The following CUL2 variants were observed in gnomAD, a reference collection of about 807,000 sequenced individuals.
The protein encoded by CUL2 is cullin-2.
CUL2 carries 22 observed loss-of-function variants against 110.2 expected under a neutral mutation model. That is an observed-to-expected ratio of 0.20 (90% CI 0.14 to 0.28). CUL2 has a LOEUF of 0.28. Ranked by LOEUF, CUL2 falls within the 10% of genes least tolerant of loss-of-function variation. CUL2 has a pLI of 1.00. For missense variants in CUL2, 631 were observed against 905.5 expected (o/e 0.70, Z 3.89); for synonymous variants, 279 against 293.2 (o/e 0.95, Z 0.49).
chr10:35,050,213 CG>C (rs993143707), intron 5 of CUL2, among the ~76,000 whole-genome samples: 20 of 151,232 alleles, frequency 1.3e-4, no homozygotes, highest in African/African-American at 4.9e-4. Context: ...CCCAGCTACT[CG>C]GGAGGCTGAG....
chr10:35,106,303 TGTTTTTTTTTTTGTGG>T (rs1438814701), intron 1 of CUL2, among the ~76,000 whole-genome samples: 2 of 147,646 alleles, frequency 1.4e-5, no homozygotes, highest in African/African-American at 5.3e-5. Context: ...ATGTGTTTTT[TGTTTTTTTTTTTGTGG>T]GTTTTTTTTT....
rs772365415 is a variant in CUL2, at chr10:35,044,803, A to C, written c.572T>G (p.Val191Gly). ...IHGVINSFVH[V>G]EQYKKKFPLK... ...GGGGAATTTTTTCTTATACTGTTCA[A>C]CATGAACAAAGGAGTTAATAACCCC... The change falls in exon 7 of 21, where the codon GTT becomes GGT. Residue 191 changes from valine (V) to glycine (G), a missense_variant. Physicochemically the swap from Val to Gly is moderately radical, Grantham distance 109. Transcript: ENST00000374749. The C allele has an allele frequency of 6.2e-7, 1 of 1,613,220 alleles. No individual in the cohort carries two copies. The highest frequency in any genetic ancestry group is 8.5e-7 in the Non-Finnish European group (1 of 1,179,516).
intron 1 of CUL2, among the ~76,000 whole-genome samples, chr10:35,107,119 C>G (rs537123655): frequency 6.6e-6 from 1 of 152,042 alleles, no homozygotes; most frequent in Non-Finnish European, 1.5e-5. Context: ...GGACTACATG[C>G]GCCCACCACC....
intron 1 of CUL2, among the ~76,000 whole-genome samples, chr10:35,105,930 T>G (rs1174891827): frequency 6.6e-6 from 1 of 151,704 alleles, no homozygotes; most frequent in Non-Finnish European, 1.5e-5. Flanking sequence ...CATAGATAGC[T>G]AGGAAGGATG....
At chr10:35,076,905 A>G (rs1427607026) in intron 1 of CUL2, among the ~76,000 whole-genome samples, 2 of 152,098 alleles carry the variant, frequency 1.3e-5, no homozygotes, top group African/African-American at 4.8e-5. Flanking sequence ...AAAAAAAATT[A>G]GCCAGGTGTG....
At chr10:35,033,571 C>T (rs899143009) in intron 10 of CUL2, among the ~76,000 whole-genome samples, 2 of 151,822 alleles carry the variant, frequency 1.3e-5, no homozygotes, top group African/African-American at 4.8e-5. Context: ...CCCGTCTCTA[C>T]TAAAAATACA....
intron 6 of CUL2, among the ~76,000 whole-genome samples, chr10:35,047,445 C>T (rs922061195): frequency 1.4e-5 from 2 of 145,856 alleles, no homozygotes; most frequent in African/African-American, 5.2e-5. Flanking sequence ...CCCGTCTCCA[C>T]TAAAAAAAAA....
At position 35,051,280 on chromosome 10, in the gene CUL2, A is replaced by T. The variant is rs548010900; in HGVS notation, c.424-1515T>A. 7.5e-5 allele frequency among the ~76,000 whole-genome samples: 11 copies of T among 146,196 alleles called. No homozygotes were observed. In the South Asian group the frequency reaches 2.4e-3, roughly 31 times the overall value. ...CAGTGAGCCGAGATCGCGCCACTGC[A>T]CTCCCGCCCAGGTGACAGAGCGAGA... On this transcript the variant is annotated intron_variant, in intron 5 of 20. Coordinates refer to ENST00000374749, the MANE Select transcript of CUL2 (RefSeq NM_003591.4).
At position 35,017,857 on chromosome 10, in the gene CUL2, T is replaced by A. The variant is rs147622212; in HGVS notation, c.1685-1463A>T. On this transcript the variant is annotated intron_variant, in intron 17 of 20. Transcript: ENST00000374749. Reference sequence around the variant, plus strand: ...ATATGGCAAACATGTCTACACTCTGTAATGTTCCATACGTGTTTAAAAAAA... The same window carrying A: ...ATATGGCAAACATGTCTACACTCTGAAATGTTCCATACGTGTTTAAAAAAA... Among the ~76,000 whole-genome samples, 405 of 147,188 alleles carry A rather than the reference T, an allele frequency of 2.8e-3. 1 individual carries two copies. The highest frequency in any genetic ancestry group is 9.8e-3 in the African/African-American group (394 of 40,148).
chr10:35,047,270 C>T (rs558770089), intron 6 of CUL2, among the ~76,000 whole-genome samples: 62 of 152,244 alleles, frequency 4.1e-4, no homozygotes, highest in African/African-American at 1.4e-3. Flanking sequence ...GATAGTTCCT[C>T]AATTCTGTGA....
intron 2 of CUL2, among the ~76,000 whole-genome samples, chr10:35,098,801 G>T (rs1436605941): frequency 6.6e-6 from 1 of 151,956 alleles, no homozygotes; most frequent in Non-Finnish European, 1.5e-5. Context: ...GGGCACGGTG[G>T]CAGGCGCCTG....
chr10:35,087,081 T>C (rs910068962), intron 1 of CUL2, among the ~76,000 whole-genome samples: 1 of 152,228 alleles, frequency 6.6e-6, no homozygotes, highest in African/African-American at 2.4e-5. Context: ...CTGTTTGTTT[T>C]AGAGACAGGG....
intron 9 of CUL2, among the ~76,000 whole-genome samples, chr10:35,037,668 C>A (rs1206690178): frequency 6.6e-6 from 1 of 151,990 alleles, no homozygotes; most frequent in Non-Finnish European, 1.5e-5. Flanking sequence ...CATAGTGAAA[C>A]CTCGTCTCTA....
At chr10:35,049,631 A>T (rs550520179) in intron 6 of CUL2, 52 bp downstream of exon 6, 1 of 1,475,510 alleles carries the variant, frequency 6.8e-7, no homozygotes, top group Non-Finnish European at 9.4e-7. Context: ...TTTTAAAACC[A>T]TATCAAACAA....
At chr10:35,117,566 C>T (rs185688307) in intron 1 of CUL2, among the ~76,000 whole-genome samples, 2 of 150,594 alleles carry the variant, frequency 1.3e-5, no homozygotes, top group Non-Finnish European at 2.9e-5. Flanking sequence ...AGGCAACTAT[C>T]GAAAGCAAAA....
chr10:35,086,369 C>T (rs1456536772), intron 1 of CUL2, among the ~76,000 whole-genome samples: 1 of 151,976 alleles, frequency 6.6e-6, no homozygotes, highest in African/African-American at 2.4e-5. Flanking sequence ...CTCACTGCAG[C>T]CTCCACCTCC....
Position 35,015,362 on chromosome 10 carries a change from T to C in CUL2, c.1887+830A>G, listed in dbSNP as rs537047889. 4.6e-5 allele frequency among the ~76,000 whole-genome samples: 7 copies of C among 152,252 alleles called. No homozygotes were observed. In the South Asian group the frequency reaches 1.5e-3, roughly 32 times the overall value. On this transcript the variant is annotated intron_variant, in intron 18 of 20. Transcript: ENST00000374749. Reference sequence around the variant, plus strand: ...CCAGATAAATCATTTCTCAAAATTATGAAAACATTGATTTGAATTTCAGAA... The same window carrying C: ...CCAGATAAATCATTTCTCAAAATTACGAAAACATTGATTTGAATTTCAGAA...
chr10:35,096,603 A>G (rs2087303700), intron 2 of CUL2, among the ~76,000 whole-genome samples: 1 of 152,172 alleles, frequency 6.6e-6, no homozygotes, highest in Admixed American at 6.6e-5. Context: ...ACAGAGCCAG[A>G]CCCTATCTTT....
intron 1 of CUL2, among the ~76,000 whole-genome samples, chr10:35,113,888 A>G (rs1202809557): frequency 6.7e-6 from 1 of 149,528 alleles, no homozygotes; most frequent in Non-Finnish European, 1.5e-5. Context: ...ATTTTTTGTT[A>G]TTTTTTAAAT....
Sources: allele counts gnomAD v4.1 joint callset (sites outside exome capture counted in the v4.1 genomes callset), GRCh38; gene constraint gnomAD v4.1.1; transcripts MANE v1.5; gene names NCBI Gene and HGNC (gene_info 2026-07-23, HGNC 2026-07-21).